The following MRPL47 variants were observed in gnomAD, a reference collection of about 807,000 sequenced individuals.
MRPL47 encodes mitochondrial ribosomal protein L47.
In MRPL47, 31 loss-of-function variants were observed where a neutral mutation model predicts 34.0. The observed-to-expected ratio is 0.91, with a 90% confidence interval of 0.68 to 1.23. The LOEUF (loss-of-function observed/expected upper bound fraction) is 1.23, where lower values mean the gene tolerates loss of function less well. Ranked by LOEUF, MRPL47 falls within the 50% of genes most tolerant of loss-of-function variation. MRPL47 has a pLI of 0.00. For synonymous variants in MRPL47, 106 were observed against 101.6 expected (o/e 1.04, Z -0.26); for missense variants, 328 against 285.8 (o/e 1.15, Z -1.07).
chr3:179,598,429 C>CACACACACACACACAA (rs370530062), intron 4 of MRPL47, among the ~76,000 whole-genome samples: 12 of 118,794 alleles, frequency 1.0e-4, no homozygotes, highest in South Asian at 7.9e-4. Flanking sequence ...CACACACAAA[C>CACACACACACACACAA]AAAAAAAAAA....
At chr3:179,593,702 G>T in intron 5 of MRPL47, 63 bp downstream of exon 5, 3 of 1,482,934 alleles carry the variant, frequency 2.0e-6, no homozygotes, top group Non-Finnish European at 2.7e-6. Flanking sequence ...AAGATATTGG[G>T]CAGGGGAATG....
rs750532097 is a variant in MRPL47, at chr3:179,604,604, G to T, written c.21C>A (p.Ala7=). MAAAGL[A]LLCRRVSSAL... ...CGGATGAAACTCTCCTACAAAGAAG[G>T]GCCAAACCGGCCGCAGCCATGTTTT... The change falls in exon 1 of 7, where the codon GCC becomes GCA. Residue 7 remains alanine, a synonymous_variant. Transcript: ENST00000476781. The T allele has an allele frequency of 3.1e-6, 5 of 1,614,168 alleles. No homozygotes were observed. The East Asian group carries it at 6.7e-5, about 22-fold the overall frequency.
rs566138478 is a variant in MRPL47 at position 179,593,871 on chromosome 3, C to T, written c.427G>A (p.Asp143Asn). Residue 143 changes from aspartate to asparagine, a missense_variant, in exon 5 of 7, where the codon GAT becomes AAT. Physicochemically the swap from Asp to Asn is conservative, Grantham distance 23. Coordinates refer to ENST00000476781, the MANE Select transcript of MRPL47 (RefSeq NM_020409.3). ...DKVVDSMDAL[D>N]KVVQEREDAL... ...TCTTCTCTTTCCTGGACAACTTTAT[C>T]TAATGCATCCATGGAATCTACTACC... The T allele has an allele frequency of 1.2e-6, 2 of 1,613,092 alleles. No individual in the cohort carries two copies. The highest frequency in any genetic ancestry group is 2.7e-5 in the African/African-American group (2 of 75,000).
At chr3:179,599,482 T>C (rs1718876977) in intron 3 of MRPL47, among the ~76,000 whole-genome samples, 1 of 152,248 alleles carries the variant, frequency 6.6e-6, no homozygotes, top group Non-Finnish European at 1.5e-5. Flanking sequence ...TGGTATTATT[T>C]CCACTTACTT....
At chr3:179,593,636 T>C in intron 5 of MRPL47, 129 bp downstream of exon 5, 1 of 815,080 alleles carries the variant, frequency 1.2e-6, no homozygotes, top group South Asian at 2.5e-5. Flanking sequence ...GTGGGGCCTC[T>C]TCTTTTATTA....
chr3:179,599,556 A>T (rs1718878646), intron 3 of MRPL47, among the ~76,000 whole-genome samples: 1 of 152,238 alleles, frequency 6.6e-6, no homozygotes, highest in African/African-American at 2.4e-5. Flanking sequence ...TCAAGATTCA[A>T]ATCCCTGATC....
chr3:179,596,445 G>A (rs941572191), intron 4 of MRPL47, among the ~76,000 whole-genome samples: 6 of 152,196 alleles, frequency 3.9e-5, no homozygotes, highest in African/African-American at 1.2e-4. Flanking sequence ...CAGCTTCTCT[G>A]GAGTAAACTT....
chr3:179,588,799 C>T lies in MRPL47; in HGVS notation c.*73G>A. ...CTAAAAACAGAATTTCTTTATAAAC[C>T]ACTTAACATATTTACTCCTGTACAC... On this transcript the variant is annotated 3_prime_UTR_variant, in exon 7 of 7. Transcript: ENST00000476781. 7.2e-7 allele frequency: 1 copy of T among 1,390,016 alleles called. No individual in the cohort carries two copies. The highest frequency in any genetic ancestry group is 2.3e-5 in the East Asian group (1 of 42,778). The allele number at this position is 1,390,016 out of a possible 1,614,324, so 86.1% of individuals were successfully genotyped here.
At chr3:179,596,902 T>C (rs994713710) in intron 4 of MRPL47, among the ~76,000 whole-genome samples, 2 of 152,244 alleles carry the variant, frequency 1.3e-5, no homozygotes, top group Admixed American at 6.5e-5. Flanking sequence ...ATAAGATCTG[T>C]AGATTACAGC....
intron 3 of MRPL47, 128 bp from the exon 4 acceptor site, chr3:179,598,899 C>T (rs1718858085): frequency 3.2e-6 from 2 of 626,832 alleles, no homozygotes; most frequent in Non-Finnish European, 5.7e-6. Flanking sequence ...TGGCTCACAC[C>T]TGTAATCCCA....
At chr3:179,600,963 A>G (rs1412588858) in intron 3 of MRPL47, among the ~76,000 whole-genome samples, 1 of 152,206 alleles carries the variant, frequency 6.6e-6, no homozygotes, top group Non-Finnish European at 1.5e-5. Context: ...TAAAAATGCA[A>G]CCCTGTCTTA....
chr3:179,598,430 A>ACAAAC (rs1491589511), intron 4 of MRPL47, among the ~76,000 whole-genome samples: 9 of 114,172 alleles, frequency 7.9e-5, no homozygotes, highest in African/African-American at 3.2e-4. Context: ...ACACACAAAC[A>ACAAAC]AAAAAAAAAA....
rs572256142 is a variant in MRPL47, at chr3:179,592,421, C to T, written c.629+223G>A. 1.8e-4 allele frequency among the ~76,000 whole-genome samples: 27 copies of T among 150,408 alleles called. No individual in the cohort carries two copies. The East Asian group carries it at 2.8e-3, about 16-fold the overall frequency. On this transcript the variant is annotated intron_variant, in intron 6 of 6. Transcript: ENST00000476781. Reference sequence around the variant, plus strand: ...ATGTTAGCCGGGATGGTCTCGATCGCCTGACCTCGTGATCCACCCACCTCG... The same window carrying T: ...ATGTTAGCCGGGATGGTCTCGATCGTCTGACCTCGTGATCCACCCACCTCG...
chr3:179,589,015 A>G lies in MRPL47; in HGVS notation c.630-20T>C. 3 of 1,585,038 alleles carry G rather than the reference A, an allele frequency of 1.9e-6. No individual in the cohort carries two copies. Among genetic ancestry groups the G allele is most frequent in the Non-Finnish European group, 2.6e-6 (3 of 1,169,302 alleles). On this transcript the variant is annotated intron_variant, in intron 6 of 6. Transcript: ENST00000476781. ...TCCAGTCTAGAATAAAAAAAGCGTAACAGCAATTTATACAAAAATATTTCC... is the reference window on the plus strand; with the variant it reads ...TCCAGTCTAGAATAAAAAAAGCGTAGCAGCAATTTATACAAAAATATTTCC...
intron 4 of MRPL47, among the ~76,000 whole-genome samples, chr3:179,594,873 A>T (rs1718759015): frequency 6.6e-6 from 1 of 152,148 alleles, no homozygotes; most frequent in Admixed American, 6.5e-5. Context: ...ACATACTGAG[A>T]GCCATTTTAT....
At chr3:179,601,174 G>A (rs1718917281) in intron 3 of MRPL47, among the ~76,000 whole-genome samples, 1 of 152,232 alleles carries the variant, frequency 6.6e-6, no homozygotes, top group Admixed American at 6.5e-5. Flanking sequence ...GATGTTGGGA[G>A]GCTGAGGTAG....
At chr3:179,589,863 T>A (rs1718628881) in intron 6 of MRPL47, among the ~76,000 whole-genome samples, 1 of 152,154 alleles carries the variant, frequency 6.6e-6, no homozygotes, top group African/African-American at 2.4e-5. Flanking sequence ...CAACTAAATT[T>A]TGACCATTTA....
chr3:179,588,920 T>TAAA lies in MRPL47; in HGVS notation c.702_704dup (p.Leu234_Leu235insPhe). On this transcript the variant is annotated inframe_insertion, in exon 7 of 7. Coordinates refer to ENST00000476781, the MANE Select transcript of MRPL47 (RefSeq NM_020409.3). ...CTTCAGCAAGATGTGGAAACTTTTTTAAAAGAATTTTTGCTTTCTTTCTCT... is the reference window on the plus strand; with the variant it reads ...CTTCAGCAAGATGTGGAAACTTTTTTAAAAAAAGAATTTTTGCTTTCTTTCTCT... The TAAA allele has an allele frequency of 1.9e-6, 3 of 1,613,842 alleles. No individual in the cohort carries two copies. The South Asian group carries it at 3.3e-5, about 18-fold the overall frequency.
At chr3:179,603,866 G>C (rs886123970) in intron 1 of MRPL47, among the ~76,000 whole-genome samples, 2 of 151,792 alleles carry the variant, frequency 1.3e-5, no homozygotes, top group African/African-American at 4.8e-5. Context: ...CACAAGTGTT[G>C]TATCCCTACC....
Sources: allele counts gnomAD v4.1 joint callset (sites outside exome capture counted in the v4.1 genomes callset), GRCh38; gene constraint gnomAD v4.1.1; transcripts MANE v1.5; gene names NCBI Gene and HGNC (gene_info 2026-07-23, HGNC 2026-07-21).